The following ARPC2 variants were observed in gnomAD, a reference collection of about 807,000 sequenced individuals.
The protein encoded by ARPC2 is actin related protein 2/3 complex subunit 2, also known as actin-related protein 2/3 complex subunit 2.
Under a neutral mutation model 38.6 loss-of-function variants are expected in ARPC2, and 4 were observed. That is an observed-to-expected ratio of 0.10 (90% confidence interval 0.05 to 0.24). ARPC2 has a LOEUF of 0.24. ARPC2 is among the 10% of genes least tolerant of loss of function. The pLI, the probability that ARPC2 is intolerant of heterozygous loss-of-function variation, is 1.00. For missense variants in ARPC2, 229 were observed against 387.3 expected (o/e 0.59, Z 3.43); for synonymous variants, 125 against 140.8 (o/e 0.89, Z 0.79).
At chr2:218,249,170 G>A (rs376107511) in intron 8 of ARPC2, among the ~76,000 whole-genome samples, 194 bp from the exon 9 acceptor site, 220 of 152,258 alleles carry the variant, frequency 1.4e-3, no homozygotes, top group African/African-American at 5.0e-3. Context: ...CTCCATTCAC[G>A]CTCGTTGACA....
intron 5 of ARPC2, chr2:218,234,846 C>T (rs1449243511): frequency 4.4e-6 from 2 of 456,992 alleles, no homozygotes; most frequent in African/African-American, 2.0e-5. Context: ...TTTCTTAATC[C>T]AGTCTTCTAA....
chr2:218,219,566 T>C (rs376811190), intron 2 of ARPC2, among the ~76,000 whole-genome samples: 11 of 152,262 alleles, frequency 7.2e-5, no homozygotes, highest in African/African-American at 2.6e-4. Flanking sequence ...GCCAGGCTGG[T>C]CTCAAACTCC....
At chr2:218,246,857 A>G (rs1184601939) in intron 8 of ARPC2, among the ~76,000 whole-genome samples, 2 of 152,174 alleles carry the variant, frequency 1.3e-5, no homozygotes, top group Non-Finnish European at 2.9e-5. Context: ...TATAGTCTAT[A>G]GTCCCAGCTA....
intron 4 of ARPC2, chr2:218,233,038 T>G (rs1574582688): frequency 6.6e-6 from 1 of 152,276 alleles, no homozygotes; most frequent in Non-Finnish European, 1.5e-5. Context: ...GGCTCACTCC[T>G]GTAATCCCAG....
At chr2:218,243,627 T>G (rs1481929586) in intron 7 of ARPC2, among the ~76,000 whole-genome samples, 1 of 152,110 alleles carries the variant, frequency 6.6e-6, no homozygotes, top group Non-Finnish European at 1.5e-5. Context: ...AGGCCAAAAA[T>G]TAGCCGGGAA....
rs532731028 is a variant in ARPC2 at position 218,244,519 on chromosome 2, G to A, written c.550-901G>A. Among the ~76,000 whole-genome samples the A allele has an allele frequency of 5.3e-5, 8 of 152,330 alleles. No homozygotes were observed. The South Asian group carries it at 1.7e-3, about 32-fold the overall frequency. ...TAAATTACAAAGATAAATTAAGCAG[G>A]ATCTTTGATTTGAACTCATAACCTG... is the stretch of plus-strand genomic sequence containing the variant. On this transcript the variant is annotated intron_variant, in intron 7 of 10. Coordinates refer to ENST00000315717, the MANE Select transcript of ARPC2 (RefSeq NM_152862.3).
intron 7 of ARPC2, among the ~76,000 whole-genome samples, chr2:218,243,775 CAAAA>C (rs1318611325): frequency 6.6e-6 from 1 of 152,040 alleles, no homozygotes; most frequent in Non-Finnish European, 1.5e-5. Context: ...GACCCTGTCT[CAAAA>C]AAGAAAGAAA....
chr2:218,251,477 G>A (rs1574597543), intron 10 of ARPC2, among the ~76,000 whole-genome samples: 1 of 152,232 alleles, frequency 6.6e-6, no homozygotes, highest in Middle Eastern at 3.4e-3. Flanking sequence ...TTCCCAAAGT[G>A]TTGGGATTAA....
At chr2:218,235,034 G>C (rs1689735995) in intron 5 of ARPC2, 1 of 335,234 alleles carries the variant, frequency 3.0e-6, no homozygotes, top group African/African-American at 2.2e-5. Context: ...GGACCCCAAA[G>C]TGAGAACCAG....
At chr2:218,217,686 GT>G in intron 2 of ARPC2, 142 bp downstream of exon 2, 1 of 899,892 alleles carries the variant, frequency 1.1e-6, no homozygotes, top group Non-Finnish European at 1.7e-6. Flanking sequence ...CGGGGTAGAC[GT>G]GGGAGGCGAT....
chr2:218,241,404 AATATAC>A (rs1689913466), intron 7 of ARPC2, among the ~76,000 whole-genome samples: 1 of 152,188 alleles, frequency 6.6e-6, no homozygotes, highest in Non-Finnish European at 1.5e-5. Context: ...GGAATATATA[AATATAC>A]ATGTATCTCT....
At chr2:218,238,872 G>A in intron 6 of ARPC2, 22 bp downstream of exon 6, 1 of 1,571,688 alleles carries the variant, frequency 6.4e-7, no homozygotes, top group Non-Finnish European at 8.7e-7. Flanking sequence ...ATTTGGTCCT[G>A]AAGCCTGGAT....
intron 3 of ARPC2, among the ~76,000 whole-genome samples, 182 bp downstream of exon 3, chr2:218,226,136 T>C (rs1478954602): frequency 6.6e-6 from 1 of 151,522 alleles, no homozygotes; most frequent in Non-Finnish European, 1.5e-5. Context: ...CTACTAAAAA[T>C]ACAAAAATTA....
intron 10 of ARPC2, among the ~76,000 whole-genome samples, chr2:218,251,047 G>A (rs553295431): frequency 6.6e-6 from 1 of 151,942 alleles, no homozygotes; most frequent in Non-Finnish European, 1.5e-5. Context: ...TGTTGCCCAG[G>A]CTGGTCTAGA....
intron 4 of ARPC2, among the ~76,000 whole-genome samples, chr2:218,232,234 C>T (rs1047259436): frequency 2.6e-5 from 4 of 151,444 alleles, no homozygotes; most frequent in Admixed American, 2.6e-4. Context: ...GAGTGAGACT[C>T]CGTCTCAAAA....
At chr2:218,252,816 G>A (rs1690225073) in intron 10 of ARPC2, 2 of 441,590 alleles carry the variant, frequency 4.5e-6, no homozygotes, top group Non-Finnish European at 9.1e-6. Flanking sequence ...CAGTTGTGTA[G>A]CGGGCAGGGA....
intron 7 of ARPC2, 46 bp from the exon 8 acceptor site, chr2:218,245,374 T>C: frequency 6.2e-7 from 1 of 1,612,636 alleles, no homozygotes. Context: ...TTGCCACTCA[T>C]CTTACACCCA....
At chr2:218,245,021 C>T (rs949454976) in intron 7 of ARPC2, among the ~76,000 whole-genome samples, 1 of 152,072 alleles carries the variant, frequency 6.6e-6, no homozygotes, top group Non-Finnish European at 1.5e-5. Flanking sequence ...GTCTTCTGTC[C>T]GCAAGAAGAG....
chr2:218,246,938 G>A (rs1259765153), intron 8 of ARPC2, among the ~76,000 whole-genome samples: 1 of 152,026 alleles, frequency 6.6e-6, no homozygotes, highest in Non-Finnish European at 1.5e-5. Context: ...AGATCATCCT[G>A]CTGCGCTCCA....
Sources: allele counts gnomAD v4.1 joint callset (sites outside exome capture counted in the v4.1 genomes callset), GRCh38; gene constraint gnomAD v4.1.1; transcripts MANE v1.5; gene names NCBI Gene and HGNC (gene_info 2026-07-23, HGNC 2026-07-21).